The following FOCAD variants were observed in gnomAD, a reference collection of about 807,000 sequenced individuals.
FOCAD encodes KIAA1797.
Under a neutral mutation model 225.6 loss-of-function variants are expected in FOCAD, and 198 were observed. That is an observed-to-expected ratio of 0.88 (90% CI 0.78 to 0.99). The LOEUF (loss-of-function observed/expected upper bound fraction) is 0.99, where lower values mean the gene tolerates loss of function less well. FOCAD is among the 50% of genes least tolerant of loss of function. FOCAD has a pLI of 0.00. For missense variants in FOCAD, 2,713 were observed against 2,123.6 expected (o/e 1.28, Z -5.46); for synonymous variants, 897 against 755.0 (o/e 1.19, Z -3.08).
Position 20,881,927 on chromosome 9 carries a change from G to A in FOCAD, c.2374G>A (p.Gly792Arg). Residue 792 changes from glycine to arginine, a missense_variant, in exon 20 of 44, where the codon GGG (glycine) becomes AGG (arginine). Transcript: ENST00000338382. Reference sequence around the variant, plus strand: ...GCAAGAAATGGTGAATATGCCTCGTGGGATATATCACTCTGCATTAAAAGG... The same window carrying A: ...GCAAGAAATGGTGAATATGCCTCGTAGGATATATCACTCTGCATTAAAAGG... ...VKQEMVNMPR[G>R]IYHSALKGGA... is the part of the protein sequence containing the mutation. 1 of 1,613,812 alleles carries A rather than the reference G, an allele frequency of 6.2e-7. No individual in the cohort carries two copies. Among genetic ancestry groups the A allele is most frequent in the Non-Finnish European group, 8.5e-7 (1 of 1,179,860 alleles).
chr9:20,799,261 T>C (rs1564005392), intron 11 of FOCAD, among the ~76,000 whole-genome samples: 1 of 152,224 alleles, frequency 6.6e-6, no homozygotes, highest in Non-Finnish European at 1.5e-5. Context: ...AGTGCTTTAC[T>C]TCCAAGTATG....
At chr9:20,886,445 TACTGAAAAGCTGATTTATA>T (rs1339572321) in intron 21 of FOCAD, among the ~76,000 whole-genome samples, 1 of 152,164 alleles carries the variant, frequency 6.6e-6, no homozygotes, top group Non-Finnish European at 1.5e-5. Context: ...TCTAAAGTCT[TACTGAAAAGCTGATTTATA>T]ATAAAAAGTC....
At chr9:20,946,971 GC>G in intron 30 of FOCAD, 151 bp downstream of exon 30, 1 of 941,598 alleles carries the variant, frequency 1.1e-6, no homozygotes, top group Non-Finnish European at 1.5e-6. Flanking sequence ...CACAGCTGTA[GC>G]CAAAAGTCAC....
intron 23 of FOCAD, among the ~76,000 whole-genome samples, chr9:20,914,627 G>T (rs1190180419): frequency 6.6e-6 from 1 of 152,176 alleles, no homozygotes; most frequent in African/African-American, 2.4e-5. Context: ...ACCTGGCAAA[G>T]CCTGTGTGGC....
intron 5 of FOCAD, among the ~76,000 whole-genome samples, chr9:20,743,519 C>A (rs1338051658): frequency 6.6e-6 from 1 of 151,746 alleles, no homozygotes; most frequent in East Asian, 1.9e-4. Flanking sequence ...ATATGAGAAC[C>A]AAGAATGTTA....
At chr9:20,698,474 C>T (rs941141485) in intron 1 of FOCAD, among the ~76,000 whole-genome samples, 1 of 152,088 alleles carries the variant, frequency 6.6e-6, no homozygotes, top group Non-Finnish European at 1.5e-5. Flanking sequence ...ATCTTTGGCT[C>T]ACTGCAGTCT....
chr9:20,835,936 G>A (rs953289973), intron 15 of FOCAD, among the ~76,000 whole-genome samples: 1 of 152,160 alleles, frequency 6.6e-6, no homozygotes, highest in Admixed American at 6.5e-5. Context: ...ATTCTTGACC[G>A]CTAGAAGAGT....
chr9:20,966,074 A>T (rs1262206419), intron 35 of FOCAD, among the ~76,000 whole-genome samples: 1 of 152,098 alleles, frequency 6.6e-6, no homozygotes, highest in Admixed American at 6.5e-5. Context: ...GCTGGGTTGT[A>T]TGGTAATTCT....
At chr9:20,719,760 G>A (rs1381791717) in intron 3 of FOCAD, among the ~76,000 whole-genome samples, 4 of 141,390 alleles carry the variant, frequency 2.8e-5, no homozygotes, top group African/African-American at 7.7e-5. Flanking sequence ...TCTTTCTTGG[G>A]CAAACAGTTT....
At chr9:20,791,240 C>CAA (rs1820507998) in intron 11 of FOCAD, among the ~76,000 whole-genome samples, 1 of 148,022 alleles carries the variant, frequency 6.8e-6, no homozygotes, top group Non-Finnish European at 1.5e-5. Context: ...CACACACTCA[C>CAA]ACACACACAC....
chr9:20,900,645 A>G (rs1832477522), intron 21 of FOCAD, among the ~76,000 whole-genome samples: 1 of 151,948 alleles, frequency 6.6e-6, no homozygotes, highest in South Asian at 2.1e-4. Flanking sequence ...AACATTGTGA[A>G]TAATAATGGG....
chr9:20,811,678 G>A (rs909986603), intron 11 of FOCAD, among the ~76,000 whole-genome samples: 8 of 151,952 alleles, frequency 5.3e-5, no homozygotes, highest in Non-Finnish European at 7.4e-5. Flanking sequence ...TTCCTTATAA[G>A]TGGAGGAAGT....
rs1414165983 is a variant in FOCAD, at chr9:20,881,977, G to C, written c.2424G>C (p.Lys808Asn). The C allele has an allele frequency of 8.1e-6, 13 of 1,613,932 alleles. No individual in the cohort carries two copies. In the Middle Eastern group the frequency reaches 4.9e-4, roughly 61 times the overall value. ...LKGGARSDQG[K>N]TVAGIPNFIL... ...GAGGTGCCCGCTCAGACCAAGGAAAGACTGTAGCAGGAATCCCCAATTTTA... is the reference window on the plus strand; with the variant it reads ...GAGGTGCCCGCTCAGACCAAGGAAACACTGTAGCAGGAATCCCCAATTTTA... The change falls in exon 20 of 44, where the codon AAG becomes AAC. Residue 808 changes from lysine (K) to asparagine (N), a missense_variant. Coordinates refer to ENST00000338382, the MANE Select transcript of FOCAD (RefSeq NM_001375567.1).
chr9:20,877,329 T>C (rs1055531250), intron 19 of FOCAD, among the ~76,000 whole-genome samples: 3 of 152,304 alleles, frequency 2.0e-5, no homozygotes, highest in South Asian at 4.1e-4. Flanking sequence ...AAATCACAAT[T>C]CTGAAATCTC....
intron 30 of FOCAD, 77 bp from the exon 31 acceptor site, chr9:20,948,194 G>T: frequency 7.6e-7 from 1 of 1,318,098 alleles, no homozygotes; most frequent in Admixed American, 2.4e-5. Context: ...AAGTGTTTAT[G>T]TTGCTATTTA....
At chr9:20,969,990 A>AG (rs2132532880) in intron 35 of FOCAD, among the ~76,000 whole-genome samples, 1 of 18,444 alleles carries the variant, frequency 5.4e-5, no homozygotes, top group Non-Finnish European at 2.9e-4. Context: ...TTTCGATGAC[A>AG]GTTTTTTTTT....
rs1229988983 is a variant in FOCAD at position 20,874,757 on chromosome 9, G to A, written c.2267G>A (p.Gly756Asp). The change falls in exon 19 of 44, where the codon GGC becomes GAC. Residue 756 changes from glycine to aspartate, a missense_variant. Gly to Asp is a moderately conservative substitution (Grantham distance 94, BLOSUM62 -1). Transcript: ENST00000338382. Reference sequence around the variant, plus strand: ...GAGGATGTGGATCTTTCAGTTCCTGGCTCTTGCTATCTCAAACTGTTGTCA... The same window carrying A: ...GAGGATGTGGATCTTTCAGTTCCTGACTCTTGCTATCTCAAACTGTTGTCA... ...DVEDVDLSVPGSCYLKLLSLT... is the reference protein window; with the variant it reads ...DVEDVDLSVPDSCYLKLLSLT... The A allele has an allele frequency of 2.5e-6, 4 of 1,613,598 alleles. No homozygotes were observed. Among genetic ancestry groups the A allele is most frequent in the Non-Finnish European group, 3.4e-6 (4 of 1,179,702 alleles).
intron 28 of FOCAD, among the ~76,000 whole-genome samples, chr9:20,939,385 A>G (rs1002510894): frequency 6.6e-6 from 1 of 152,052 alleles, no homozygotes; most frequent in Admixed American, 6.6e-5. Context: ...GCCTCCTCTT[A>G]CCACCCAAAG....
At chr9:20,900,452 T>C (rs1832463644) in intron 21 of FOCAD, among the ~76,000 whole-genome samples, 1 of 151,980 alleles carries the variant, frequency 6.6e-6, no homozygotes. Context: ...CCTAATAAAT[T>C]AATTTTTTTC....
Sources: gnomAD v4.1 joint callset for allele counts (sites outside exome capture counted in the v4.1 genomes callset) on GRCh38, gnomAD v4.1.1 for gene constraint, MANE v1.5 for transcripts, NCBI Gene and HGNC (gene_info 2026-07-23, HGNC 2026-07-21) for gene names.